Variants in CTC1 observed in about 807,000 individuals in gnomAD.
CTC1 encodes CST complex subunit CTC1.
CTC1 carries 91 observed loss-of-function variants against 136.3 expected under a neutral mutation model. The observed-to-expected ratio is 0.67, with a 90% CI of 0.56 to 0.79. The LOEUF is 0.79. Ranked by LOEUF, CTC1 falls within the 30% of genes least tolerant of loss-of-function variation. The pLI is 0.00. For synonymous variants in CTC1, 606 were observed against 613.8 expected, an observed-to-expected ratio of 0.99 and a Z score of 0.19; for missense variants, 1,432 against 1,498.1, an observed-to-expected ratio of 0.96 and a Z score of 0.73.
chr17:8,234,854 C>T lies in CTC1; in HGVS notation c.1512G>A (p.Leu504=). 6.2e-7 allele frequency: 1 copy of T among 1,613,236 alleles called. No homozygotes were observed. The highest frequency in any genetic ancestry group is 8.5e-7 in the Non-Finnish European group (1 of 1,179,612). The change falls in exon 9 of 23, where the codon CTG becomes CTA. Residue 504 remains leucine (L), a synonymous_variant. Transcript: ENST00000651323. ...GATCCAGGGTAGGAGCCAGGAGTTG[C>T]AGTCCCAGGCTGGGGCTCCCAGGAG... is the stretch of plus-strand genomic sequence containing the variant. ...HSSPGSPSLG[L]QLLAPTLDLL...
At chr17:8,232,496 G>A (rs762664489) in intron 11 of CTC1, 21 bp from the exon 12 acceptor site, 9 of 1,603,268 alleles carry the variant, frequency 5.6e-6, no homozygotes, top group East Asian at 2.2e-5. Flanking sequence ...AAAGTTTTCT[G>A]TTTTGACAAG....
chr17:8,238,725 G>A (rs1413152544), intron 2 of CTC1, 96 bp from the exon 3 acceptor site: 1 of 882,952 alleles, frequency 1.1e-6, no homozygotes, highest in African/African-American at 1.7e-5. Context: ...CCAGGGAAAG[G>A]TTGCAGGGAA....
At chr17:8,239,523 ATTTTTTT>A (rs74266356) in intron 2 of CTC1, among the ~76,000 whole-genome samples, 1 of 140,768 alleles carries the variant, frequency 7.1e-6, no homozygotes, top group Non-Finnish European at 1.6e-5. Flanking sequence ...ATTCCCCTGA[ATTTTTTT>A]TTTTTTTTTT....
At chr17:8,240,223 C>T (rs1264373223) in intron 2 of CTC1, among the ~76,000 whole-genome samples, 7 of 149,514 alleles carry the variant, frequency 4.7e-5, no homozygotes, top group Admixed American at 2.7e-4. Flanking sequence ...GGCGTGAACT[C>T]GGCTCACTGC....
Position 8,227,056 on chromosome 17 carries a change from T to C in CTC1, c.*1124A>G, listed in dbSNP as rs1383787744. On this transcript the variant is annotated 3_prime_UTR_variant, in exon 23 of 23. Transcript: ENST00000651323. ...AGCACCACGCTCTAACCAACTGAGC[T>C]AACCGGCCACTAACTTTCCGGGTCT... The C allele has an allele frequency of 1.3e-5, 2 of 151,036 alleles. No individual in the cohort carries two copies. Among genetic ancestry groups the C allele is most frequent in the Non-Finnish European group, 2.9e-5 (2 of 68,034 alleles). 9.4% of individuals were successfully genotyped at this position (151,036 alleles called of 1,614,324 possible).
At position 8,235,275 on chromosome 17, in the gene CTC1, A is replaced by G. The variant is rs754933861; in HGVS notation, c.1217T>C (p.Val406Ala). 1 of 1,613,170 alleles carries G rather than the reference A, an allele frequency of 6.2e-7. No homozygotes were observed. The highest frequency in any genetic ancestry group is 1.7e-5 in the Admixed American group (1 of 60,024). ...RPGVCLQLQD[V>A]HLLQSVGGGT... ...CCCTCCCACTGACTGGAGCAGGTGA[A>G]CATCCTGGAGCTGGGGGAAAGCAGA... Residue 406 changes from valine (V) to alanine (A), a missense_variant, in exon 8 of 23, where the codon GTT becomes GCT. Val to Ala is a moderately conservative substitution (Grantham distance 64). Coordinates refer to ENST00000651323, the MANE Select transcript of CTC1 (RefSeq NM_025099.6).
At chr17:8,235,734 A>C (rs1394366357) in intron 7 of CTC1, 97 bp downstream of exon 7, 3 of 1,341,000 alleles carry the variant, frequency 2.2e-6, no homozygotes, top group Admixed American at 5.2e-5. Flanking sequence ...TTTAATTTCT[A>C]TATTTCTATA....
At chr17:8,243,628 TAG>T (rs1988457060) in intron 1 of CTC1, among the ~76,000 whole-genome samples, 1 of 152,208 alleles carries the variant, frequency 6.6e-6, no homozygotes, top group Non-Finnish European at 1.5e-5. Flanking sequence ...AGCCATACCG[TAG>T]ACAGCTGGCC....
At chr17:8,232,526 G>A in intron 11 of CTC1, 51 bp from the exon 12 acceptor site, 1 of 1,498,484 alleles carries the variant, frequency 6.7e-7, no homozygotes, top group Non-Finnish European at 9.3e-7. Flanking sequence ...CTGTGGGGTG[G>A]GTTGCAAGGC....
rs147423378 is a variant in CTC1 at position 8,246,965 on chromosome 17, C to CTTATTTATTTATTTAT, written c.33+1023_33+1038dup. 2.0e-3 allele frequency among the ~76,000 whole-genome samples: 283 copies of CTTATTTATTTATTTAT among 141,494 alleles called. 1 individual carries two copies. The highest frequency in any genetic ancestry group is 6.5e-3 in the African/African-American group (246 of 37,956). The allele number at this position is 141,494 out of a possible 152,430, so 92.8% of individuals were successfully genotyped here. Reference sequence around the variant, plus strand: ...CCTTTAGATTGTATTTTCTTAACATCTTATTTATTTATTTATTTATTTATT... The same window carrying CTTATTTATTTATTTAT: ...CCTTTAGATTGTATTTTCTTAACATCTTATTTATTTATTTATTTATTTATTTATTTATTTATTTATT... On this transcript the variant is annotated intron_variant, in intron 1 of 22. Coordinates refer to ENST00000651323, the MANE Select transcript of CTC1 (RefSeq NM_025099.6).
In CTC1 at chr17:8,226,700, G is replaced by C. The variant is rs749576566; in HGVS notation, c.*1480C>G. ...CACTCGGCCACGACTACGAGGCTTA[G>C]GGCTTCGTTTTCATCCAATGCCTTT... On this transcript the variant is annotated 3_prime_UTR_variant, in exon 23 of 23. Transcript: ENST00000651323. 6.6e-6 allele frequency: 1 copy of C among 152,170 alleles called. No homozygotes were observed. Among genetic ancestry groups the C allele is most frequent in the African/African-American group, 2.4e-5 (1 of 41,440 alleles). The allele number at this position is 152,170 out of a possible 1,614,324, so 9.4% of individuals were successfully genotyped here.
intron 18 of CTC1, 94 bp downstream of exon 18, chr17:8,229,797 G>T (rs992080557): frequency 9.7e-7 from 1 of 1,033,234 alleles, no homozygotes; most frequent in Non-Finnish European, 1.5e-6. Flanking sequence ...GATTGGAGAA[G>T]ACTGTAATGA....
rs1193831048 is a variant in CTC1 at position 8,230,381 on chromosome 17, T to C, written c.2846A>G (p.Tyr949Cys). ...GGGAGGCAAGTGTGGGTCTTCTATA[T>C]ATACATCCAGGTGAGGGGGGAATTC... is the stretch of plus-strand genomic sequence containing the variant. ...ECEFPPHLDV[Y>C]IEDPHLPPSL... is the part of the protein sequence containing the mutation. The change falls in exon 17 of 23, where the codon TAT (tyrosine) becomes TGT (cysteine). Residue 949 changes from tyrosine (Y) to cysteine (C), a missense_variant. Transcript: ENST00000651323. 1.9e-6 allele frequency: 3 copies of C among 1,614,094 alleles called. No individual in the cohort carries two copies. Among genetic ancestry groups the C allele is most frequent in the African/African-American group, 1.3e-5 (1 of 75,040 alleles).
chr17:8,232,485 G>A lies in CTC1; in HGVS notation c.1946-10C>T, dbSNP rs772494578. The A allele has an allele frequency of 1.9e-6, 3 of 1,610,470 alleles. No individual in the cohort carries two copies. Among genetic ancestry groups the A allele is most frequent in the Non-Finnish European group, 2.5e-6 (3 of 1,177,690 alleles). Reference sequence around the variant, plus strand: ...GCCCGCACCAGGCAGCCTAGAGGAAGAAAGTTTTCTGTTTTGACAAGAAAG... The same window carrying A: ...GCCCGCACCAGGCAGCCTAGAGGAAAAAAGTTTTCTGTTTTGACAAGAAAG... On this transcript the variant is annotated splice_polypyrimidine_tract_variant and intron_variant, in intron 11 of 22. Coordinates refer to ENST00000651323, the MANE Select transcript of CTC1 (RefSeq NM_025099.6).
chr17:8,235,561 C>A (rs1987643658), intron 7 of CTC1, among the ~76,000 whole-genome samples: 2 of 152,110 alleles, frequency 1.3e-5, no homozygotes, highest in African/African-American at 4.8e-5. Context: ...ATCACCCCAG[C>A]CCCAGATCTG....
rs769629643 is a variant in CTC1, at chr17:8,232,101, C to T, written c.2187G>A (p.Gln729=). ...TGTGGCAGAGCAAGAAGAGCCGGCT[C>T]TGTCCTAGGTGGGGTCCCTCTGGGC... ...PTGPEGPHLG[Q]SRLFLLCHKE... The change falls in exon 13 of 23, where the codon CAG becomes CAA. Residue 729 remains glutamine, a synonymous_variant. Transcript: ENST00000651323. 10 of 1,548,114 alleles carry T rather than the reference C, an allele frequency of 6.5e-6. No homozygotes were observed. The South Asian group carries it at 8.9e-5, about 14-fold the overall frequency.
intron 10 of CTC1, 23 bp from the exon 11 acceptor site, chr17:8,233,055 T>C: frequency 6.2e-7 from 1 of 1,612,538 alleles, no homozygotes; most frequent in Non-Finnish European, 8.5e-7. Context: ...GAAGGTTGAG[T>C]TATCAAATGT....
At chr17:8,231,143 A>G in intron 15 of CTC1, 133 bp downstream of exon 15, 1 of 794,726 alleles carries the variant, frequency 1.3e-6, no homozygotes, top group Non-Finnish European at 1.9e-6. Context: ...TCCGTCTCAA[A>G]AAAAAACAAA....
In CTC1 at chr17:8,243,241, C is replaced by T. The variant is rs774679905; in HGVS notation, c.34-93G>A. ...AAGGACTAGAAAAAAATATCCGGGC[C>T]GGGTGCGGTGGCTCACGCCTGTAAT... On this transcript the variant is annotated intron_variant, in intron 1 of 22. Transcript: ENST00000651323. 7.0e-5 allele frequency: 88 copies of T among 1,248,334 alleles called. 2 individuals carry two copies. In the South Asian group the frequency reaches 1.2e-3, roughly 16 times the overall value. The allele number at this position is 1,248,334 out of a possible 1,614,324, so 77.3% of individuals were successfully genotyped here. A position where few individuals can be genotyped will look rare whatever the true frequency, so the allele number is the denominator to read the frequency against.
Sources: gnomAD v4.1 joint callset for allele counts (sites outside exome capture counted in the v4.1 genomes callset) on GRCh38, gnomAD v4.1.1 for gene constraint, MANE v1.5 for transcripts, NCBI Gene and HGNC (gene_info 2026-07-23, HGNC 2026-07-21) for gene names.